Variants in PLCB1 observed in about 807,000 individuals in gnomAD.
PLCB1 encodes 1-phosphatidylinositol 4,5-bisphosphate phosphodiesterase beta-1.
Under a neutral mutation model 161.8 loss-of-function variants are expected in PLCB1, and 46 were observed. That is an observed-to-expected ratio of 0.28 (90% CI 0.22 to 0.36). The LOEUF (loss-of-function observed/expected upper bound fraction) is 0.36, where lower values mean the gene tolerates loss of function less well. Ranked by LOEUF, PLCB1 falls within the 10% of genes least tolerant of loss-of-function variation. PLCB1 has a pLI of 1.00. For missense variants in PLCB1, 1,016 were observed against 1,472.5 expected (o/e 0.69, Z 5.07); for synonymous variants, 517 against 503.7 (o/e 1.03, Z -0.35).
At chr20:8,442,357 G>A (rs1980597941) in intron 3 of PLCB1, among the ~76,000 whole-genome samples, 2 of 152,184 alleles carry the variant, frequency 1.3e-5, no homozygotes, top group African/African-American at 4.8e-5. Flanking sequence ...CTCTAGAGGA[G>A]GGAACACTTT....
At chr20:8,186,404 A>G (rs2051906853) in intron 2 of PLCB1, among the ~76,000 whole-genome samples, 2 of 152,160 alleles carry the variant, frequency 1.3e-5, no homozygotes, top group Non-Finnish European at 2.9e-5. Flanking sequence ...TGTTGTCTTT[A>G]CTTTTACTAT....
At chr20:8,217,467 A>T (rs543200422) in intron 2 of PLCB1, among the ~76,000 whole-genome samples, 160 of 152,278 alleles carry the variant, frequency 1.1e-3, no homozygotes, top group African/African-American at 3.8e-3. Flanking sequence ...ACAGAGGAAG[A>T]GCAGCACAGA....
intron 11 of PLCB1, among the ~76,000 whole-genome samples, chr20:8,707,376 GA>G (rs932967766): frequency 6.6e-6 from 1 of 151,878 alleles, no homozygotes; most frequent in Non-Finnish European, 1.5e-5. Flanking sequence ...AGGAGAATAT[GA>G]AAAAAATAAA....
At chr20:8,340,483 C>T (rs1464710547) in intron 2 of PLCB1, among the ~76,000 whole-genome samples, 1 of 151,906 alleles carries the variant, frequency 6.6e-6, no homozygotes. Flanking sequence ...AGTGCAGTGG[C>T]GCGATCTCGG....
At position 8,757,170 on chromosome 20, in the gene PLCB1, C is replaced by A. The variant is rs947893015; in HGVS notation, c.2648C>A (p.Pro883Gln). Residue 883 changes from proline (P) to glutamine (Q), a missense_variant, in exon 24 of 32, where the codon CCA becomes CAA. Coordinates refer to ENST00000338037, the MANE Select transcript of PLCB1 (RefSeq NM_015192.4). ...CCCTCCCAGGCTCTCCACAGCCAGC[C>A]AGCTCCAGGTAAGCCATCTGGAAAG... Reference protein sequence around the residue: ...KPPSQALHSQPAPGSVKAPAK... With the variant: ...KPPSQALHSQQAPGSVKAPAK... The A allele has an allele frequency of 6.2e-7, 1 of 1,610,476 alleles. No homozygotes were observed. Among genetic ancestry groups the A allele is most frequent in the African/African-American group, 1.3e-5 (1 of 74,844 alleles).
At chr20:8,866,003 G>A (rs1002133731) in intron 31 of PLCB1, among the ~76,000 whole-genome samples, 12 of 152,158 alleles carry the variant, frequency 7.9e-5, no homozygotes, top group Admixed American at 3.3e-4. Context: ...GTAAAGTGAC[G>A]ACTTTGTATT....
intron 2 of PLCB1, among the ~76,000 whole-genome samples, chr20:8,309,153 C>T (rs1281778008): frequency 6.6e-6 from 1 of 152,268 alleles, no homozygotes; most frequent in Non-Finnish European, 1.5e-5. Context: ...TGGTTTTATA[C>T]AACAGTAGGT....
intron 16 of PLCB1, among the ~76,000 whole-genome samples, chr20:8,725,095 C>A (rs1197631497): frequency 6.6e-6 from 1 of 152,110 alleles, no homozygotes; most frequent in Non-Finnish European, 1.5e-5. Context: ...TGAGATCCAT[C>A]TGTTACATAA....
chr20:8,506,195 G>C (rs749537425), intron 3 of PLCB1, among the ~76,000 whole-genome samples: 2 of 151,962 alleles, frequency 1.3e-5, no homozygotes, highest in Non-Finnish European at 2.9e-5. Context: ...GGTATTATTT[G>C]CGTTTAAAAC....
intron 2 of PLCB1, among the ~76,000 whole-genome samples, chr20:8,228,973 A>G (rs1979856205): frequency 6.6e-6 from 1 of 151,996 alleles, no homozygotes; most frequent in African/African-American, 2.4e-5. Context: ...TTGCTGTCGA[A>G]CACTAGAACT....
chr20:8,505,569 G>A (rs118112253), intron 3 of PLCB1, among the ~76,000 whole-genome samples: 1,669 of 152,310 alleles, frequency 0.011, 17 homozygotes, highest in Non-Finnish European at 0.014. Context: ...TAAAATCTTT[G>A]CAGAGGCAAA....
intron 7 of PLCB1, among the ~76,000 whole-genome samples, chr20:8,654,667 G>C (rs141916776): frequency 6.6e-6 from 1 of 152,158 alleles, no homozygotes; most frequent in Non-Finnish European, 1.5e-5. Flanking sequence ...GGTCAGGAAG[G>C]GTTCACGGAG....
At chr20:8,280,470 G>T (rs979279697) in intron 2 of PLCB1, among the ~76,000 whole-genome samples, 4 of 152,052 alleles carry the variant, frequency 2.6e-5, no homozygotes, top group African/African-American at 9.7e-5. Context: ...TAACTGTAAG[G>T]CTTATGTCAT....
intron 3 of PLCB1, among the ~76,000 whole-genome samples, chr20:8,619,639 C>T (rs1988124835): frequency 6.6e-6 from 1 of 151,972 alleles, no homozygotes; most frequent in South Asian, 2.1e-4. Context: ...ATTGTTAAAG[C>T]TTTGAGAATA....
chr20:8,524,161 C>T (rs1298951276), intron 3 of PLCB1, among the ~76,000 whole-genome samples: 1 of 152,016 alleles, frequency 6.6e-6, no homozygotes, highest in Non-Finnish European at 1.5e-5. Flanking sequence ...TTATTAAATA[C>T]ATTTACATAC....
chr20:8,773,528 A>T (rs895135740), intron 26 of PLCB1, among the ~76,000 whole-genome samples: 1 of 152,246 alleles, frequency 6.6e-6, no homozygotes, highest in African/African-American at 2.4e-5. Context: ...CATACTGCTA[A>T]GAGGAAGCAT....
chr20:8,513,576 T>A lies in PLCB1; in HGVS notation c.247-114718T>A, dbSNP rs576318789. Among the ~76,000 whole-genome samples, 72 of 152,288 alleles carry A rather than the reference T, an allele frequency of 4.7e-4. No homozygotes were observed. The South Asian group carries it at 0.015, about 32-fold the overall frequency. On this transcript the variant is annotated intron_variant, in intron 3 of 31. Coordinates refer to ENST00000338037, the MANE Select transcript of PLCB1 (RefSeq NM_015192.4). ...GAAGCCAAGAGAGAAACATCCCCAT[T>A]GAAGTATTGTAAGAATTCTGTCCCC...
intron 2 of PLCB1, among the ~76,000 whole-genome samples, chr20:8,243,674 AAT>A (rs199659750): frequency 0.01 from 1,544 of 152,074 alleles, 32 homozygotes; most frequent in African/African-American, 0.034. Context: ...GTTCATTAAG[AAT>A]ATGCAATGCA....
chr20:8,587,018 T>C (rs1050938369), intron 3 of PLCB1, among the ~76,000 whole-genome samples: 1 of 152,116 alleles, frequency 6.6e-6, no homozygotes, highest in African/African-American at 2.4e-5. Context: ...AACAATGATA[T>C]TTTTATTAAA....
Sources: gnomAD v4.1 joint callset for allele counts (sites outside exome capture counted in the v4.1 genomes callset) on GRCh38, gnomAD v4.1.1 for gene constraint, MANE v1.5 for transcripts, NCBI Gene and HGNC (gene_info 2026-07-23, HGNC 2026-07-21) for gene names.